Variants in ADCY2 observed in about 807,000 individuals in gnomAD.
The protein encoded by ADCY2 is adenylate cyclase 2, also known as adenylate cyclase type 2.
Under a neutral mutation model 125.2 loss-of-function variants are expected in ADCY2, and 31 were observed. The observed-to-expected ratio is 0.25, with a 90% CI of 0.19 to 0.33. The LOEUF is 0.33. ADCY2 is among the 10% of genes least tolerant of loss of function. The probability of loss-of-function intolerance (pLI) is 1.00; values close to 1 mark genes in which losing one functional copy is unlikely to be tolerated. For missense variants in ADCY2, 904 were observed against 1,418.2 expected (o/e 0.64, Z 5.82); for synonymous variants, 512 against 548.4 (o/e 0.93, Z 0.93).
intron 3 of ADCY2, among the ~76,000 whole-genome samples, chr5:7,549,737 A>C (rs974702974): frequency 1.3e-5 from 2 of 152,120 alleles, no homozygotes; most frequent in African/African-American, 4.8e-5. Flanking sequence ...TTCCCTTCAA[A>C]AATTCTCATT....
At chr5:7,725,462 G>T (rs1292040216) in intron 13 of ADCY2, among the ~76,000 whole-genome samples, 1 of 151,934 alleles carries the variant, frequency 6.6e-6, no homozygotes, top group African/African-American at 2.4e-5. Context: ...CACACCAAAA[G>T]GTTTTTTTTT....
chr5:7,398,557 C>T (rs1166571471), intron 1 of ADCY2, among the ~76,000 whole-genome samples: 2 of 152,206 alleles, frequency 1.3e-5, no homozygotes, highest in Non-Finnish European at 2.9e-5. Flanking sequence ...GGGCATTTCC[C>T]ACAGCATGGC....
intron 15 of ADCY2, among the ~76,000 whole-genome samples, chr5:7,745,827 G>C (rs1742599979): frequency 6.6e-6 from 1 of 152,088 alleles, no homozygotes; most frequent in Non-Finnish European, 1.5e-5. Flanking sequence ...GGGGGCATGT[G>C]GTATATTTAG....
chr5:7,652,049 A>G (rs776678520), intron 4 of ADCY2, among the ~76,000 whole-genome samples: 1 of 151,836 alleles, frequency 6.6e-6, no homozygotes, highest in African/African-American at 2.4e-5. Flanking sequence ...TGATCCACCC[A>G]CCTCGGCCTC....
intron 3 of ADCY2, among the ~76,000 whole-genome samples, chr5:7,596,448 A>C (rs1737008186): frequency 6.6e-6 from 1 of 152,216 alleles, no homozygotes; most frequent in Admixed American, 6.5e-5. Context: ...TCTTCTAGTG[A>C]GTTGAGAAAA....
intron 23 of ADCY2, 59 bp from the exon 24 acceptor site, chr5:7,820,506 A>C: frequency 6.3e-7 from 1 of 1,595,318 alleles, no homozygotes; most frequent in Non-Finnish European, 8.5e-7. Flanking sequence ...AAAATAAAAA[A>C]AATAAAAAGA....
chr5:7,655,278 G>T (rs952519766), intron 4 of ADCY2, among the ~76,000 whole-genome samples: 1 of 152,176 alleles, frequency 6.6e-6, no homozygotes, highest in African/African-American at 2.4e-5. Flanking sequence ...TTAGTCAGGG[G>T]TCTTTAGAGA....
intron 16 of ADCY2, among the ~76,000 whole-genome samples, chr5:7,758,301 A>G (rs1044532783): frequency 1.4e-4 from 21 of 152,132 alleles, no homozygotes; most frequent in Non-Finnish European, 5.9e-5. Context: ...AGTGCCGGTT[A>G]TCTCCCCCAC....
Position 7,828,011 on chromosome 5 carries a change from G to C in ADCY2, c.*1140G>C, listed in dbSNP as rs1218685747. The C allele has an allele frequency of 6.5e-6, 1 of 152,794 alleles. No homozygotes were observed. Among genetic ancestry groups the C allele is most frequent in the Non-Finnish European group, 1.5e-5 (1 of 68,042 alleles). The allele number at this position is 152,794 out of a possible 1,614,324, so 9.5% of individuals were successfully genotyped here. On this transcript the variant is annotated 3_prime_UTR_variant, in exon 25 of 25. Coordinates refer to ENST00000338316, the MANE Select transcript of ADCY2 (RefSeq NM_020546.3). ...CAAACTGCCTGTTAAGTCTGAGAAG[G>C]CTAAAGAAGACACACAGCCAACGTT...
chr5:7,413,900 A>G (rs1182092512), intron 1 of ADCY2, among the ~76,000 whole-genome samples: 1 of 152,254 alleles, frequency 6.6e-6, no homozygotes, highest in Non-Finnish European at 1.5e-5. Flanking sequence ...ATACATTAGT[A>G]AGAAGTGAAT....
At chr5:7,419,463 C>T (rs1020899919) in intron 2 of ADCY2, among the ~76,000 whole-genome samples, 3 of 152,120 alleles carry the variant, frequency 2.0e-5, no homozygotes, top group Non-Finnish European at 2.9e-5. Context: ...TATCTATTGC[C>T]GAAGCTCAAC....
intron 2 of ADCY2, among the ~76,000 whole-genome samples, chr5:7,425,310 G>A (rs997326081): frequency 6.6e-5 from 10 of 152,308 alleles, no homozygotes; most frequent in South Asian, 6.2e-4. Context: ...TTTTGATGGC[G>A]GCTATCTTAG....
At chr5:7,743,603 TG>T in intron 14 of ADCY2, 64 bp from the exon 15 acceptor site, 1 of 1,458,396 alleles carries the variant, frequency 6.9e-7, no homozygotes, top group Non-Finnish European at 9.6e-7. Flanking sequence ...AAAGTATTAC[TG>T]GTAGCTTTCC....
At chr5:7,666,594 T>C (rs1739764501) in intron 4 of ADCY2, among the ~76,000 whole-genome samples, 1 of 152,206 alleles carries the variant, frequency 6.6e-6, no homozygotes, top group African/African-American at 2.4e-5. Context: ...ATGGGTCTGA[T>C]GATGATACTG....
intron 2 of ADCY2, among the ~76,000 whole-genome samples, chr5:7,502,654 G>A (rs1335129573): frequency 6.6e-6 from 1 of 152,196 alleles, no homozygotes; most frequent in Non-Finnish European, 1.5e-5. Context: ...TGGAATGCTC[G>A]TGTTCTGTGA....
rs1738612975 is a variant in ADCY2 at position 7,639,237 on chromosome 5, C to T, written c.720+12921C>T. 3.3e-5 allele frequency among the ~76,000 whole-genome samples: 5 copies of T among 152,290 alleles called. No individual in the cohort carries two copies. In the South Asian group the frequency reaches 1.0e-3, roughly 32 times the overall value. Reference sequence around the variant, plus strand: ...TGCATGGAGTAAGTGAGAACATATACTCTCCAAACACCAACTGACAAAACA... The same window carrying T: ...TGCATGGAGTAAGTGAGAACATATATTCTCCAAACACCAACTGACAAAACA... On this transcript the variant is annotated intron_variant, in intron 4 of 24. Transcript: ENST00000338316.
At chr5:7,457,656 C>T (rs1013484960) in intron 2 of ADCY2, among the ~76,000 whole-genome samples, 1 of 152,186 alleles carries the variant, frequency 6.6e-6, no homozygotes, top group Non-Finnish European at 1.5e-5. Context: ...AACGTTTTTG[C>T]ACACAGTTGC....
At chr5:7,405,320 T>C (rs1441960785) in intron 1 of ADCY2, among the ~76,000 whole-genome samples, 1 of 151,760 alleles carries the variant, frequency 6.6e-6, no homozygotes, top group East Asian at 1.9e-4. Flanking sequence ...TTTTTTTTTT[T>C]AGCTCATAAT....
intron 2 of ADCY2, among the ~76,000 whole-genome samples, chr5:7,435,774 G>T (rs1006214897): frequency 1.3e-5 from 2 of 152,156 alleles, no homozygotes; most frequent in African/African-American, 4.8e-5. Flanking sequence ...ACGATGCTGG[G>T]ATGTTTACAT....
Sources: allele counts gnomAD v4.1 joint callset (sites outside exome capture counted in the v4.1 genomes callset), GRCh38; gene constraint gnomAD v4.1.1; transcripts MANE v1.5; gene names NCBI Gene and HGNC (gene_info 2026-07-23, HGNC 2026-07-21).